Variants in ZHX2 observed in about 807,000 individuals in gnomAD.
The protein encoded by ZHX2 is zinc fingers and homeoboxes protein 2.
ZHX2 carries 6 observed loss-of-function variants against 21.9 expected under a neutral mutation model. The observed-to-expected ratio is 0.27, with a 90% CI of 0.15 to 0.54. The LOEUF is 0.54. ZHX2 is among the 20% of genes least tolerant of loss of function. The pLI is 0.95. For synonymous variants in ZHX2, 434 were observed against 437.1 expected, an observed-to-expected ratio of 0.99 and a Z score of 0.09; for missense variants, 908 against 1,090.7, an observed-to-expected ratio of 0.83 and a Z score of 2.36.
At chr8:122,959,197 T>A (rs576678644) in intron 3 of ZHX2, among the ~76,000 whole-genome samples, 2 of 152,332 alleles carry the variant, frequency 1.3e-5, no homozygotes, top group South Asian at 4.1e-4. Context: ...AGTTTCCAAC[T>A]CCTGATGATT....
intron 3 of ZHX2, among the ~76,000 whole-genome samples, chr8:122,963,897 T>G (rs947125947): frequency 1.3e-5 from 2 of 152,052 alleles, no homozygotes; most frequent in Admixed American, 6.5e-5. Flanking sequence ...CTTTGTTTGT[T>G]TGTTTTTTTG....
At chr8:122,860,667 G>A (rs897511885) in intron 1 of ZHX2, among the ~76,000 whole-genome samples, 9 of 152,172 alleles carry the variant, frequency 5.9e-5, no homozygotes, top group Admixed American at 1.3e-4. Context: ...TGAGGCAGCC[G>A]AGTTATGGAG....
chr8:122,800,607 G>T (rs1020066318), intron 1 of ZHX2, among the ~76,000 whole-genome samples: 17 of 152,194 alleles, frequency 1.1e-4, no homozygotes, highest in African/African-American at 3.6e-4. Context: ...TAGAGACTTG[G>T]CACATTGGGA....
chr8:122,953,598 C>T lies in ZHX2; in HGVS notation c.2088C>T (p.His696=), dbSNP rs751658777. ...TGAAGTGGATGGAGCAGTACCAGCA[C>T]CAGCCCATGGCAGATGATCACGGCT... ...GTVKWMEQYQ[H]QPMADDHGYD... The change falls in exon 3 of 4, where the codon CAC becomes CAT. Residue 696 remains histidine (H), a synonymous_variant. Transcript: ENST00000314393. The surrounding 1 kb of genome is among the most constrained non-coding windows in gnomAD (Gnocchi z 4.6). 6.2e-7 allele frequency: 1 copy of T among 1,614,180 alleles called. No homozygotes were observed. Among genetic ancestry groups the T allele is most frequent in the East Asian group, 2.2e-5 (1 of 44,872 alleles).
intron 2 of ZHX2, among the ~76,000 whole-genome samples, chr8:122,950,895 T>A (rs1178742234): frequency 6.6e-6 from 1 of 152,066 alleles, no homozygotes; most frequent in Admixed American, 6.6e-5. Flanking sequence ...TTCTAGCGCC[T>A]GAGTAAATTT....
chr8:122,847,250 C>A (rs1277774649), intron 1 of ZHX2, among the ~76,000 whole-genome samples: 3 of 152,202 alleles, frequency 2.0e-5, no homozygotes, highest in African/African-American at 7.2e-5. Flanking sequence ...ACCTCTCCCC[C>A]AGCCAGAAAT....
Position 122,952,821 on chromosome 8 carries a change from G to A in ZHX2, c.1311G>A (p.Pro437=), listed in dbSNP as rs374578204. 4.6e-5 allele frequency: 75 copies of A among 1,613,998 alleles called. No individual in the cohort carries two copies. The highest frequency in any genetic ancestry group is 3.6e-4 in the East Asian group (16 of 44,846). ...PEPPPKVANP[P]LTPASDRKKT... is the part of the protein sequence containing the mutation. ...CCCCACCCAAGGTGGCCAACCCCCC[G>A]CTCACACCAGCCAGTGACCGCAAGA... Residue 437 remains proline, a synonymous_variant, in exon 3 of 4, where the codon CCG becomes CCA. Transcript: ENST00000314393. This position sits in a 1 kb window ranked among gnomAD's most constrained non-coding sequence, Gnocchi z 6.9.
chr8:122,820,049 G>A (rs1326050194), intron 1 of ZHX2, among the ~76,000 whole-genome samples: 1 of 152,214 alleles, frequency 6.6e-6, no homozygotes, highest in African/African-American at 2.4e-5. Flanking sequence ...GTCACATCAC[G>A]ATGGAAACAA....
Position 122,863,509 on chromosome 8 carries a change from AG to A in ZHX2, c.-249del, listed in dbSNP as rs2130778397. The A allele has an allele frequency of 6.5e-6, 1 of 152,894 alleles. No homozygotes were observed. The highest frequency in any genetic ancestry group is 2.1e-4 in the South Asian group (1 of 4,828). The allele number at this position is 152,894 out of a possible 1,614,324, so 9.5% of individuals were successfully genotyped here. A position where few individuals can be genotyped will look rare whatever the true frequency, so the allele number is the denominator to read the frequency against. On this transcript the variant is annotated 5_prime_UTR_variant, in exon 2 of 4. Coordinates refer to ENST00000314393, the MANE Select transcript of ZHX2 (RefSeq NM_014943.5). ...TGTACCGACTGCTTTTGGAATAAAAAGATTCCCAGGATGTGAGCAACACGGG... is the reference window on the plus strand; with the variant it reads ...TGTACCGACTGCTTTTGGAATAAAAAATTCCCAGGATGTGAGCAACACGGG...
At chr8:122,881,228 C>G (rs192815658) in intron 2 of ZHX2, among the ~76,000 whole-genome samples, 2 of 152,176 alleles carry the variant, frequency 1.3e-5, no homozygotes, top group Admixed American at 1.3e-4. Flanking sequence ...GACATTGGAG[C>G]CTTTTAACTC....
chr8:122,930,774 G>C (rs1362883610), intron 2 of ZHX2, among the ~76,000 whole-genome samples: 1 of 151,952 alleles, frequency 6.6e-6, no homozygotes, highest in Non-Finnish European at 1.5e-5. Context: ...ACAGGTGTGA[G>C]CCACTGTGTT....
At chr8:122,802,064 A>T (rs1817730498) in intron 1 of ZHX2, among the ~76,000 whole-genome samples, 1 of 151,732 alleles carries the variant, frequency 6.6e-6, no homozygotes, top group Non-Finnish European at 1.5e-5. Context: ...CAGTTCCTGG[A>T]GTCATCTTTT....
At chr8:122,925,094 G>A (rs932875003) in intron 2 of ZHX2, among the ~76,000 whole-genome samples, 1 of 152,212 alleles carries the variant, frequency 6.6e-6, no homozygotes, top group South Asian at 2.1e-4. Flanking sequence ...TACAAAAGCA[G>A]TCCCAGCATC....
intron 2 of ZHX2, among the ~76,000 whole-genome samples, chr8:122,947,570 A>T (rs1813009278): frequency 6.6e-6 from 1 of 152,206 alleles, no homozygotes; most frequent in Admixed American, 6.5e-5. Context: ...TTAACCACAA[A>T]ACATCGAAGT....
chr8:122,810,281 G>T (rs1348682121), intron 1 of ZHX2, among the ~76,000 whole-genome samples: 2 of 152,174 alleles, frequency 1.3e-5, no homozygotes, highest in African/African-American at 4.8e-5. Context: ...AAAATGGGGG[G>T]TAGTAACACC....
chr8:122,887,050 C>CGTGTGTGTGTGT (rs10549696), intron 2 of ZHX2, among the ~76,000 whole-genome samples: 186 of 136,446 alleles, frequency 1.4e-3, no homozygotes, highest in African/African-American at 4.7e-3. Flanking sequence ...GCTCTGCCAC[C>CGTGTGTGTGTGT]GTGTGTGTGT....
At chr8:122,860,745 A>G (rs781280745) in intron 1 of ZHX2, among the ~76,000 whole-genome samples, 3 of 152,032 alleles carry the variant, frequency 2.0e-5, no homozygotes, top group Non-Finnish European at 4.4e-5. Flanking sequence ...GCTGAAATAT[A>G]TCAGAGAGGG....
intron 1 of ZHX2, among the ~76,000 whole-genome samples, chr8:122,858,325 G>A (rs1306370950): frequency 6.6e-6 from 1 of 152,142 alleles, no homozygotes; most frequent in East Asian, 1.9e-4. Context: ...AAGTGGAATG[G>A]GATAAACTTC....
intron 1 of ZHX2, among the ~76,000 whole-genome samples, chr8:122,820,991 C>T (rs1287051188): frequency 1.3e-5 from 2 of 152,178 alleles, no homozygotes; most frequent in African/African-American, 2.4e-5. Context: ...AACCTCTGCA[C>T]ATTGTGCTCA....
Sources: gnomAD v4.1 joint callset for allele counts (sites outside exome capture counted in the v4.1 genomes callset) on GRCh38, gnomAD v4.1.1 for gene constraint, Gnocchi (gnomAD v3.1) non-coding constraint, MANE v1.5 for transcripts, NCBI Gene and HGNC (gene_info 2026-07-23, HGNC 2026-07-21) for gene names.